PCDHGB2: variants seen among roughly 807,000 people sequenced by gnomAD.
PCDHGB2 encodes protocadherin gamma subfamily B, 2.
Under a neutral mutation model 59.3 loss-of-function variants are expected in PCDHGB2, and 55 were observed. That is an observed-to-expected ratio of 0.93 (90% CI 0.75 to 1.16). The LOEUF (loss-of-function observed/expected upper bound fraction) is 1.16, where lower values mean the gene tolerates loss of function less well. Among genes scored for constraint, PCDHGB2 ranks in the 50% most tolerant of loss-of-function variants. PCDHGB2 has a pLI of 0.00. For synonymous variants in PCDHGB2, 516 were observed against 512.0 expected (o/e 1.01, Z -0.11); for missense variants, 1,228 against 1,198.5 (o/e 1.02, Z -0.36).
chr5:141,383,220 CATCCTGATGGAAGATAAAATGA>C (rs1561595268), intron 1 of PCDHGB2: 5 of 1,613,982 alleles, frequency 3.1e-6, no homozygotes, highest in Non-Finnish European at 4.2e-6. Flanking sequence ...TAAACTTTAA[CATCCTGATGGAAGATAAAATGA>C]ATCTTTACCC....
chr5:141,393,214 A>G, intron 1 of PCDHGB2: 1 of 1,613,636 alleles, frequency 6.2e-7, no homozygotes, highest in East Asian at 2.2e-5. Flanking sequence ...CCAAAATTCC[A>G]GGTCGAAGAT....
intron 1 of PCDHGB2, chr5:141,419,854 A>G: frequency 1.9e-6 from 3 of 1,614,078 alleles, no homozygotes; most frequent in Non-Finnish European, 2.5e-6. Flanking sequence ...TGGTGTTCGC[A>G]GATAGCTTGC....
intron 1 of PCDHGB2, chr5:141,367,429 C>T (rs1303829786): frequency 6.6e-6 from 1 of 152,054 alleles, no homozygotes; most frequent in Non-Finnish European, 1.5e-5. Context: ...CCCAGCTACT[C>T]GGAAGGCTGA....
Position 141,511,309 on chromosome 5 carries a change from G to C in PCDHGB2, c.*136G>C. The stretch of plus-strand genomic sequence containing the variant: ...GGGGCCAAGGCCATGCTCCCCTTGG[G>C]AAACAGAAACAAGTGCCCAGTCAGC... On this transcript the variant is annotated 3_prime_UTR_variant, in exon 4 of 4. Coordinates refer to ENST00000522605, the MANE Select transcript of PCDHGB2 (RefSeq NM_018923.3). 4.0e-6 allele frequency: 6 copies of C among 1,485,470 alleles called. No homozygotes were observed. Among genetic ancestry groups the C allele is most frequent in the Non-Finnish European group, 4.5e-6 (5 of 1,113,432 alleles). 92.0% of individuals were successfully genotyped at this position (1,485,470 alleles called of 1,614,324 possible).
intron 1 of PCDHGB2, chr5:141,395,240 G>A: frequency 6.3e-7 from 1 of 1,589,850 alleles, no homozygotes; most frequent in Non-Finnish European, 8.6e-7. Context: ...ATGGTCAGGT[G>A]AGTTTAGTTC....
chr5:141,432,137 T>A lies in PCDHGB2; in HGVS notation c.2422-62670T>A. On this transcript the variant is annotated intron_variant, in intron 1 of 3. Coordinates refer to ENST00000522605, the MANE Select transcript of PCDHGB2 (RefSeq NM_018923.3). The surrounding 1 kb of genome is among the most constrained non-coding windows in gnomAD (Gnocchi z 6.0). ...CTTCCCTCAGGCCTCCTATTCCGCT[T>A]ATATCCCAGAGAACAATCCCAGAGG... 6.2e-7 allele frequency: 1 copy of A among 1,613,964 alleles called. No homozygotes were observed. Among genetic ancestry groups the A allele is most frequent in the Non-Finnish European group, 8.5e-7 (1 of 1,179,984 alleles).
At position 141,450,006 on chromosome 5, in the gene PCDHGB2, C is replaced by CTATTTTTTTTTTT. The variant is rs70988802; in HGVS notation, c.2422-44800_2422-44799insATTTTTTTTTTTT. Among the ~76,000 whole-genome samples, 4 of 132,982 alleles carry CTATTTTTTTTTTT rather than the reference C, an allele frequency of 3.0e-5. 1 individual carries two copies. The highest frequency in any genetic ancestry group is 5.6e-5 in the African/African-American group (2 of 35,576). 87.2% of individuals were successfully genotyped at this position (132,982 alleles called of 152,430 possible). A position where few individuals can be genotyped will look rare whatever the true frequency, so the allele number is the denominator to read the frequency against. Reference sequence around the variant, plus strand: ...CACATTGCATTTAGTTGCCATGTCTCTTTTTTTTTTTTTTTTTTGAGACAG... The same window carrying CTATTTTTTTTTTT: ...CACATTGCATTTAGTTGCCATGTCTCTATTTTTTTTTTTTTTTTTTTTTTTTTTTTTGAGACAG... On this transcript the variant is annotated intron_variant, in intron 1 of 3. Transcript: ENST00000522605.
At chr5:141,408,271 T>C (rs948446189) in intron 1 of PCDHGB2, 7 of 1,610,858 alleles carry the variant, frequency 4.3e-6, no homozygotes, top group Non-Finnish European at 5.9e-6. Context: ...TGCTGCTGCC[T>C]TTGTTCTACC....
Position 141,485,875 on chromosome 5 carries a change from C to T in PCDHGB2, c.2422-8932C>T, listed in dbSNP as rs1254918181. The T allele has an allele frequency of 1.9e-6, 3 of 1,614,150 alleles. No homozygotes were observed. The highest frequency in any genetic ancestry group is 2.2e-5 in the East Asian group (1 of 44,862). On this transcript the variant is annotated intron_variant, in intron 1 of 3. Transcript: ENST00000522605. This position sits in a 1 kb window ranked among gnomAD's most constrained non-coding sequence, Gnocchi z 5.7. ...CAGAGCTCCGGGTATCCGTGCTGGACGTAAACGACAACGCCCCAGCCTTCC... is the reference window on the plus strand; with the variant it reads ...CAGAGCTCCGGGTATCCGTGCTGGATGTAAACGACAACGCCCCAGCCTTCC...
intron 1 of PCDHGB2, chr5:141,371,951 C>T: frequency 6.2e-7 from 1 of 1,613,306 alleles, no homozygotes; most frequent in Non-Finnish European, 8.5e-7. Context: ...CGCAGCGAGC[C>T]TTCGACCACG....
chr5:141,415,740 G>GTTTTTTTTTTTTTTTTTTTT (rs57426385), intron 1 of PCDHGB2: 5 of 625,024 alleles, frequency 8.0e-6, no homozygotes, highest in African/African-American at 5.0e-5. Flanking sequence ...GTTTATTAAG[G>GTTTTTTTTTTTTTTTTTTTT]TTTTTTTTTT....
At chr5:141,454,311 T>C (rs755771201) in intron 1 of PCDHGB2, among the ~76,000 whole-genome samples, 1 of 152,216 alleles carries the variant, frequency 6.6e-6, no homozygotes, top group Non-Finnish European at 1.5e-5. Context: ...TTTCAAAGCA[T>C]TGAAACCTCC....
rs773340535 is a variant in PCDHGB2, at chr5:141,388,285, C to G, written c.2421+25729C>G. Reference sequence around the variant, plus strand: ...ATTAATGACCACACGCCAAAATTCACGCAAAATTCCTTTGAGCTGCAAATA... The same window carrying G: ...ATTAATGACCACACGCCAAAATTCAGGCAAAATTCCTTTGAGCTGCAAATA... On this transcript the variant is annotated intron_variant, in intron 1 of 3. Transcript: ENST00000522605. 3 of 1,613,318 alleles carry G rather than the reference C, an allele frequency of 1.9e-6. No homozygotes were observed. The Admixed American group carries it at 5.0e-5, about 27-fold the overall frequency.
At chr5:141,404,642 T>C in intron 1 of PCDHGB2, 20 of 1,614,190 alleles carry the variant, frequency 1.2e-5, no homozygotes, top group Non-Finnish European at 1.7e-5. Flanking sequence ...AGAAATCCTG[T>C]ACCCTGCCCT....
rs3763123 is a variant in PCDHGB2 at position 141,385,542 on chromosome 5, A to C, written c.2421+22986A>C. On this transcript the variant is annotated intron_variant, in intron 1 of 3. Coordinates refer to ENST00000522605, the MANE Select transcript of PCDHGB2 (RefSeq NM_018923.3). Reference sequence around the variant, plus strand: ...TATGGACAAGATTATGAATATGTGGACTATCACATTTTATAATTTCCACCT... The same window carrying C: ...TATGGACAAGATTATGAATATGTGGCCTATCACATTTTATAATTTCCACCT... 2.0e-3 allele frequency: 2,591 copies of C among 1,327,546 alleles called. 44 individuals carry two copies. The African/African-American group carries it at 0.033, about 17-fold the overall frequency. The allele number at this position is 1,327,546 out of a possible 1,614,324, so 82.2% of individuals were successfully genotyped here. A position where few individuals can be genotyped will look rare whatever the true frequency, so the allele number is the denominator to read the frequency against.
At chr5:141,443,874 A>G (rs2098409122) in intron 1 of PCDHGB2, among the ~76,000 whole-genome samples, 1 of 152,190 alleles carries the variant, frequency 6.6e-6, no homozygotes, top group Non-Finnish European at 1.5e-5. Flanking sequence ...AATTACTGAT[A>G]AGTCAAGAGA....
intron 1 of PCDHGB2, chr5:141,433,018 T>C: frequency 6.2e-7 from 1 of 1,614,120 alleles, no homozygotes. Flanking sequence ...TGCAGACCTA[T>C]TCCCACGAGG....
At chr5:141,383,684 T>C in intron 1 of PCDHGB2, 5 of 1,614,014 alleles carry the variant, frequency 3.1e-6, no homozygotes, top group Non-Finnish European at 4.2e-6. Flanking sequence ...ACAAGACTGC[T>C]CACGGTACAT....
rs1761614217 is a variant in PCDHGB2 at position 141,360,492 on chromosome 5, A to G, written c.357A>G (p.Ile119Met). Residue 119 changes from isoleucine to methionine, a missense_variant, in exon 1 of 4, where the codon ATA becomes ATG. Around this residue, in one of 3 missense-constraint regions of PCDHGB2, gnomAD observed 781 missense variants for 721.6 expected, o/e 1.08. Transcript: ENST00000522605. ...AAAATCCACTAAATATTTTCTACAT[A>G]GCAGTAATTGTGCAGGATATAAATG... ...VAENPLNIFY[I>M]AVIVQDINDN... 2.5e-6 allele frequency: 4 copies of G among 1,613,894 alleles called. No homozygotes were observed. In the Admixed American group the frequency reaches 6.7e-5, roughly 27 times the overall value.
Sources: gnomAD v4.1 joint callset for allele counts (sites outside exome capture counted in the v4.1 genomes callset) on GRCh38, gnomAD v4.1.1 for gene constraint, gnomAD v4.1.1 regional missense constraint, Gnocchi (gnomAD v3.1) non-coding constraint, MANE v1.5 for transcripts, NCBI Gene and HGNC (gene_info 2026-07-23, HGNC 2026-07-21) for gene names.